Variants in ASPHD2 observed in about 807,000 individuals in gnomAD.
ASPHD2 encodes aspartate beta-hydroxylase domain-containing protein 2.
In ASPHD2, 12 loss-of-function variants were observed where a neutral mutation model predicts 34.6. The observed-to-expected ratio is 0.35, with a 90% CI of 0.22 to 0.56. The LOEUF (loss-of-function observed/expected upper bound fraction) is 0.56. Among genes scored for constraint, ASPHD2 ranks in the 20% least tolerant of loss-of-function variants. The pLI is 0.87. For synonymous variants in ASPHD2, 224 were observed against 212.2 expected (o/e 1.06, Z -0.48); for missense variants, 375 against 505.0 (o/e 0.74, Z 2.47).
At chr22:26,438,942 C>T (rs536458842) in intron 2 of ASPHD2, among the ~76,000 whole-genome samples, 1 of 152,238 alleles carries the variant, frequency 6.6e-6, no homozygotes, top group South Asian at 2.1e-4. Context: ...TTAGATTGTG[C>T]CTGCCAGATT....
At chr22:26,432,558 A>G (rs1448358244) in intron 1 of ASPHD2, among the ~76,000 whole-genome samples, 1 of 152,242 alleles carries the variant, frequency 6.6e-6, no homozygotes, top group Non-Finnish European at 1.5e-5. Context: ...TTAGGTTATT[A>G]GGACAATGAG....
intron 2 of ASPHD2, among the ~76,000 whole-genome samples, chr22:26,437,371 AAC>A (rs2084798836): frequency 6.6e-6 from 1 of 152,142 alleles, no homozygotes; most frequent in Admixed American, 6.5e-5. Flanking sequence ...GCTCCTCACT[AAC>A]ACAGCCCATT....
intron 2 of ASPHD2, among the ~76,000 whole-genome samples, chr22:26,440,419 C>A (rs980025098): frequency 6.6e-6 from 1 of 152,116 alleles, no homozygotes; most frequent in East Asian, 1.9e-4. Flanking sequence ...GCAACCTTCG[C>A]CTCCTGGGTT....
chr22:26,439,136 A>C (rs879332969), intron 2 of ASPHD2, among the ~76,000 whole-genome samples: 8 of 152,154 alleles, frequency 5.3e-5, no homozygotes, highest in Non-Finnish European at 7.3e-5. Context: ...CAGTGGCTCA[A>C]GCCTGTAATC....
chr22:26,438,510 T>TACATACATATATACAC (rs1328910913), intron 2 of ASPHD2, among the ~76,000 whole-genome samples: 5 of 96,148 alleles, frequency 5.2e-5, no homozygotes, highest in African/African-American at 1.5e-4. Flanking sequence ...TACATATATA[T>TACATACATATATACAC]ACATACATAT....
In ASPHD2 at chr22:26,437,623, C is replaced by T. The variant is rs145111344; in HGVS notation, c.886+3122C>T. On this transcript the variant is annotated intron_variant, in intron 2 of 3. Coordinates refer to ENST00000215906, the MANE Select transcript of ASPHD2 (RefSeq NM_020437.5). ...CATGAAAATGCATGAATATGTTCAG[C>T]AAATTCTAGCTAAAGAAGCACAGTT... Among the ~76,000 whole-genome samples the T allele has an allele frequency of 2.2e-4, 33 of 152,298 alleles. No individual in the cohort carries two copies. The East Asian group carries it at 6.2e-3, about 28-fold the overall frequency.
chr22:26,429,462 C>T lies in ASPHD2; in HGVS notation c.-249C>T, dbSNP rs1283366439. On this transcript the variant is annotated 5_prime_UTR_variant, in exon 1 of 4. Coordinates refer to ENST00000215906, the MANE Select transcript of ASPHD2 (RefSeq NM_020437.5). The surrounding 1 kb of genome is among the most constrained non-coding windows in gnomAD (Gnocchi z 4.5). ...GGCGGCGGCGTCTCCTGGGTCCCGG[C>T]AGCCGTCCGCGCGCCCGGGCGCAGG... 1 of 149,476 alleles carries T rather than the reference C, an allele frequency of 6.7e-6. No homozygotes were observed. 9.3% of individuals were successfully genotyped at this position (149,476 alleles called of 1,614,324 possible).
Position 26,444,785 on chromosome 22 carries a change from G to C in ASPHD2, c.*1579G>C, listed in dbSNP as rs2084898820. On this transcript the variant is annotated 3_prime_UTR_variant, in exon 4 of 4. Coordinates refer to ENST00000215906, the MANE Select transcript of ASPHD2 (RefSeq NM_020437.5). The stretch of plus-strand genomic sequence containing the variant: ...TACATTTGAGTAAAATGTCTACACA[G>C]ATATTTGTCAGTGATGAGAATGCAG... The C allele has an allele frequency of 6.6e-6, 1 of 152,232 alleles. No individual in the cohort carries two copies. Among genetic ancestry groups the C allele is most frequent in the Admixed American group, 6.5e-5 (1 of 15,290 alleles). 9.4% of individuals were successfully genotyped at this position (152,232 alleles called of 1,614,324 possible). A position where few individuals can be genotyped will look rare whatever the true frequency, so the allele number is the denominator to read the frequency against.
chr22:26,441,991 A>T (rs1329316913), intron 2 of ASPHD2, among the ~76,000 whole-genome samples: 1 of 151,672 alleles, frequency 6.6e-6, no homozygotes, highest in Non-Finnish European at 1.5e-5. Flanking sequence ...AGTGCCTCCC[A>T]GCTACTCCGG....
At position 26,433,335 on chromosome 22, in the gene ASPHD2, T is replaced by C. The variant is rs1411700577; in HGVS notation, c.-224-57T>C. 5 of 492,168 alleles carry C rather than the reference T, an allele frequency of 1.0e-5. No homozygotes were observed. The highest frequency in any genetic ancestry group is 9.8e-5 in the African/African-American group (5 of 51,270). The allele number at this position is 492,168 out of a possible 1,614,324, so 30.5% of individuals were successfully genotyped here. A position where few individuals can be genotyped will look rare whatever the true frequency, so the allele number is the denominator to read the frequency against. ...ACAGAACGATCTAACACTTTACATT[T>C]CAGTTGAGGACTTTTCCAGGTGTAA... is the stretch of plus-strand genomic sequence containing the variant. On this transcript the variant is annotated intron_variant, in intron 1 of 3. Coordinates refer to ENST00000215906, the MANE Select transcript of ASPHD2 (RefSeq NM_020437.5). This position sits in a 1 kb window ranked among gnomAD's most constrained non-coding sequence, Gnocchi z 5.1.
rs142632521 is a variant in ASPHD2, at chr22:26,430,508, G to A, written c.-225+1022G>A. ...ATAACACAGATGACAATGAACAGATGTGCGAAGGAAGCTGGAAGCTACTGT... is the reference window on the plus strand; with the variant it reads ...ATAACACAGATGACAATGAACAGATATGCGAAGGAAGCTGGAAGCTACTGT... On this transcript the variant is annotated intron_variant, in intron 1 of 3. Coordinates refer to ENST00000215906, the MANE Select transcript of ASPHD2 (RefSeq NM_020437.5). 3.9e-4 allele frequency among the ~76,000 whole-genome samples: 60 copies of A among 152,326 alleles called. No individual in the cohort carries two copies. In the East Asian group the frequency reaches 0.01, roughly 25 times the overall value.
At position 26,433,775 on chromosome 22, in the gene ASPHD2, C is replaced by T. The variant is rs754522917; in HGVS notation, c.160C>T (p.Arg54Trp). ...DCIATGIQSV[R>W]DCDTTAVITV... ...CATCGCCACCGGCATCCAGTCCGTG[C>T]GGGACTGCGACACCACCGCTGTCAT... Residue 54 changes from arginine to tryptophan, a missense_variant, in exon 2 of 4, where the codon CGG becomes TGG. Transcript: ENST00000215906. The surrounding 1 kb of genome is among the most constrained non-coding windows in gnomAD (Gnocchi z 5.1). The T allele has an allele frequency of 2.5e-6, 4 of 1,613,742 alleles. No individual in the cohort carries two copies. Among genetic ancestry groups the T allele is most frequent in the South Asian group, 2.2e-5 (2 of 91,078 alleles).
rs2084877651 is a variant in ASPHD2 at position 26,443,668 on chromosome 22, C to T, written c.*462C>T. 1 of 151,178 alleles carries T rather than the reference C, an allele frequency of 6.6e-6. No individual in the cohort carries two copies. The highest frequency in any genetic ancestry group is 2.4e-5 in the African/African-American group (1 of 41,036). 9.4% of individuals were successfully genotyped at this position (151,178 alleles called of 1,614,324 possible). A position where few individuals can be genotyped will look rare whatever the true frequency, so the allele number is the denominator to read the frequency against. On this transcript the variant is annotated 3_prime_UTR_variant, in exon 4 of 4. Coordinates refer to ENST00000215906, the MANE Select transcript of ASPHD2 (RefSeq NM_020437.5). ...AACTGCAAACCAGAGAGCTAGAGAA[C>T]TTGGCCTCTGATGCTGGCACACTGG...
chr22:26,430,719 G>A (rs1014830497), intron 1 of ASPHD2, among the ~76,000 whole-genome samples: 2 of 152,192 alleles, frequency 1.3e-5, no homozygotes, highest in African/African-American at 4.8e-5. Flanking sequence ...ATCCACCTCC[G>A]GGTGCAGGGG....
intron 1 of ASPHD2, among the ~76,000 whole-genome samples, chr22:26,431,075 A>C (rs1472035782): frequency 6.6e-6 from 1 of 152,224 alleles, no homozygotes; most frequent in Non-Finnish European, 1.5e-5. Flanking sequence ...CTCTTAGAAC[A>C]TTTAAGAAAA....
At chr22:26,436,390 C>T (rs1366808411) in intron 2 of ASPHD2, among the ~76,000 whole-genome samples, 2 of 152,152 alleles carry the variant, frequency 1.3e-5, no homozygotes, top group Non-Finnish European at 2.9e-5. Context: ...AACTGCTGTG[C>T]GAGGCCCCAA....
Position 26,434,420 on chromosome 22 carries a change from G to A in ASPHD2, c.805G>A (p.Ala269Thr), listed in dbSNP as rs780604426. The change falls in exon 2 of 4, where the codon GCG becomes ACG. Residue 269 changes from alanine (A) to threonine (T), a missense_variant. Ala to Thr is a moderately conservative substitution (Grantham distance 58). Transcript: ENST00000215906. The stretch of plus-strand genomic sequence containing the variant: ...TATTGGGAACAATGTTTTTGGGAAC[G>A]CGTGCATCTCTGTGCTGAGCCCTGG... The part of the protein sequence containing the change: ...TCIGNNVFGN[A>T]CISVLSPGTV... 2.5e-6 allele frequency: 4 copies of A among 1,614,020 alleles called. No individual in the cohort carries two copies. The highest frequency in any genetic ancestry group is 1.7e-5 in the Admixed American group (1 of 60,002).
intron 1 of ASPHD2, among the ~76,000 whole-genome samples, chr22:26,432,297 C>T (rs771786468): frequency 6.6e-6 from 1 of 152,194 alleles, no homozygotes; most frequent in African/African-American, 2.4e-5. Flanking sequence ...TACGATGCTG[C>T]AAGAATTTTC....
rs899426257 is a variant in ASPHD2, at chr22:26,444,621, A to C, written c.*1415A>C. The C allele has an allele frequency of 5.3e-5, 8 of 152,216 alleles. No individual in the cohort carries two copies. The highest frequency in any genetic ancestry group is 1.9e-4 in the African/African-American group (8 of 41,464). The allele number at this position is 152,216 out of a possible 1,614,324, so 9.4% of individuals were successfully genotyped here. A position where few individuals can be genotyped will look rare whatever the true frequency, so the allele number is the denominator to read the frequency against. ...TTTATAAAGCCGAGGAGTGGTTTGG[A>C]ATATACAGCTGGTCGCAGGTGCAGG... is the stretch of plus-strand genomic sequence containing the variant. On this transcript the variant is annotated 3_prime_UTR_variant, in exon 4 of 4. Coordinates refer to ENST00000215906, the MANE Select transcript of ASPHD2 (RefSeq NM_020437.5).
Sources: allele counts gnomAD v4.1 joint callset (sites outside exome capture counted in the v4.1 genomes callset), GRCh38; gene constraint gnomAD v4.1.1; non-coding constraint Gnocchi (gnomAD v3.1); transcripts MANE v1.5; gene names NCBI Gene and HGNC (gene_info 2026-07-23, HGNC 2026-07-21).